Variants in SLC6A14 observed in about 807,000 individuals in gnomAD.
SLC6A14 encodes solute carrier family 6 member 14, also known as sodium- and chloride-dependent neutral and basic amino acid transporter B(0+).
SLC6A14 carries 21 observed loss-of-function variants against 51.4 expected under a neutral mutation model. The observed-to-expected ratio is 0.41, with a 90% CI of 0.29 to 0.59. The LOEUF (loss-of-function observed/expected upper bound fraction) is 0.59. SLC6A14 is among the 20% of genes least tolerant of loss of function. The probability of loss-of-function intolerance (pLI) is 0.31; values close to 1 mark genes in which losing one functional copy is unlikely to be tolerated. For missense variants in SLC6A14, 371 were observed against 472.8 expected (o/e 0.78, Z 2.00); for synonymous variants, 177 against 160.7 (o/e 1.10, Z -0.77).
chrX:116,444,381 T>C (rs1927662553), intron 5 of SLC6A14, among the ~76,000 whole-genome samples: 1 of 111,677 alleles, frequency 9.0e-6, no homozygotes, highest in Admixed American at 9.6e-5. Flanking sequence ...GATCTTCAAA[T>C]GTTCTCAAAC....
intron 12 of SLC6A14, 106 bp from the exon 13 acceptor site, chrX:116,457,503 T>C: frequency 1.7e-6 from 1 of 581,396 alleles, no homozygotes; most frequent in Non-Finnish European, 2.6e-6. Flanking sequence ...ATTTTCATAT[T>C]AACTATTTTT....
intron 1 of SLC6A14, 49 bp from the exon 2 acceptor site, chrX:116,437,741 G>T: frequency 8.8e-7 from 1 of 1,130,941 alleles, no homozygotes. Context: ...TGCTTCTGTG[G>T]AATTTGTAAT....
intron 2 of SLC6A14, 28 bp downstream of exon 2, chrX:116,437,983 C>G: frequency 2.8e-6 from 3 of 1,089,580 alleles, no homozygotes; most frequent in Non-Finnish European, 2.5e-6. Context: ...CACCCTCCCA[C>G]CCCCGCTTTT....
chrX:116,452,235 A>G (rs2147389902), intron 8 of SLC6A14, among the ~76,000 whole-genome samples: 1 of 111,637 alleles, frequency 9.0e-6, no homozygotes, highest in African/African-American at 3.2e-5. Context: ...CTGGTGATTC[A>G]TAACAGAATG....
At chrX:116,450,372 T>C (rs1272274237) in intron 7 of SLC6A14, among the ~76,000 whole-genome samples, 3 of 111,118 alleles carry the variant, frequency 2.7e-5, no homozygotes, top group Non-Finnish European at 5.7e-5. Flanking sequence ...ACAAATCATA[T>C]GGAAAATGAA....
intron 9 of SLC6A14, 86 bp downstream of exon 9, chrX:116,453,228 C>G: frequency 1.3e-6 from 1 of 769,588 alleles, no homozygotes; most frequent in Non-Finnish European, 1.8e-6. Context: ...TTTATTACCC[C>G]TATTACCCCC....
chrX:116,454,946 T>C, intron 10 of SLC6A14, 31 bp from the exon 11 acceptor site: 2 of 982,820 alleles, frequency 2.0e-6, no homozygotes, highest in East Asian at 6.2e-5. Flanking sequence ...AATTAAAATA[T>C]ACTTAGAAGT....
intron 3 of SLC6A14, 56 bp from the exon 4 acceptor site, chrX:116,442,631 G>A: frequency 3.2e-6 from 3 of 947,123 alleles, no homozygotes; most frequent in Non-Finnish European, 4.2e-6. Context: ...TTATGAATTA[G>A]CAAAGTAAAT....
At chrX:116,437,976 C>T in intron 2 of SLC6A14, 21 bp downstream of exon 2, 3 of 969,403 alleles carry the variant, frequency 3.1e-6, no homozygotes, top group Non-Finnish European at 4.2e-6. Context: ...TCACCCCCAC[C>T]CTCCCACCCC....
chrX:116,441,915 G>A (rs1467924514), intron 3 of SLC6A14, among the ~76,000 whole-genome samples: 1 of 111,739 alleles, frequency 8.9e-6, no homozygotes, highest in African/African-American at 3.3e-5. Context: ...TATTTTAGAG[G>A]CTTCATTTTC....
intron 6 of SLC6A14, 81 bp downstream of exon 6, chrX:116,445,131 A>G: frequency 1.0e-6 from 1 of 993,007 alleles, no homozygotes; most frequent in Non-Finnish European, 1.3e-6. Flanking sequence ...TACCAAAAGC[A>G]TGTTTTTTTT....
At chrX:116,458,766 C>T in intron 13 of SLC6A14, 43 bp from the exon 14 acceptor site, 1 of 1,109,516 alleles carries the variant, frequency 9.0e-7, no homozygotes. Context: ...CAGATTGTAG[C>T]ACTTAAATTC....
chrX:116,455,184 T>C (rs1927907455), intron 11 of SLC6A14, 108 bp downstream of exon 11: 1 of 616,459 alleles, frequency 1.6e-6, no homozygotes, highest in African/African-American at 2.2e-5. Flanking sequence ...ACTATTATAA[T>C]AGCAAAGTAC....
At position 116,446,899 on chromosome X, in the gene SLC6A14, T is replaced by C; in HGVS notation, c.930+18T>C. On this transcript the variant is annotated intron_variant, in intron 7 of 13. Coordinates refer to ENST00000598581, the MANE Select transcript of SLC6A14 (RefSeq NM_007231.5). ...AAGCTGAGGTGAGTCTTAATTTGGA[T>C]TTCAAATTATCTGAGGAGGTAAATC... 2 of 1,185,569 alleles carry C rather than the reference T, an allele frequency of 1.7e-6. No individual in the cohort carries two copies. Among genetic ancestry groups the C allele is most frequent in the Non-Finnish European group, 2.3e-6 (2 of 873,621 alleles).
chrX:116,458,445 A>T (rs782261478), intron 13 of SLC6A14, among the ~76,000 whole-genome samples: 1 of 111,387 alleles, frequency 9.0e-6, no homozygotes, highest in South Asian at 3.7e-4. Flanking sequence ...ACTGGTTTAG[A>T]TCCTCAGCTC....
At position 116,458,899 on chromosome X, in the gene SLC6A14, A is replaced by C. The variant is rs1419402387; in HGVS notation, c.1873A>C (p.Lys625Gln). The change falls in exon 14 of 14, where the codon AAA becomes CAA. Residue 625 changes from lysine (K) to glutamine (Q), a missense_variant. Lys to Gln is a moderately conservative substitution (Grantham distance 53). Coordinates refer to ENST00000598581, the MANE Select transcript of SLC6A14 (RefSeq NM_007231.5). ...AAGATATAAAGACATGGTAGATCCTAAAAAAGAGGCTGACCATGAAATACC... is the reference window on the plus strand; with the variant it reads ...AAGATATAAAGACATGGTAGATCCTCAAAAAGAGGCTGACCATGAAATACC... ...GERYKDMVDP[K>Q]KEADHEIPTV... 3 of 1,203,499 alleles carry C rather than the reference A, an allele frequency of 2.5e-6. No homozygotes were observed. The East Asian group carries it at 8.9e-5, about 36-fold the overall frequency.
chrX:116,440,950 T>C lies in SLC6A14; in HGVS notation c.215-16T>C, dbSNP rs1927582658. On this transcript the variant is annotated splice_polypyrimidine_tract_variant and intron_variant, in intron 2 of 13. Coordinates refer to ENST00000598581, the MANE Select transcript of SLC6A14 (RefSeq NM_007231.5). ...CGAGCTGTAATAGTGCTTTGGTTCT[T>C]TCTCACCTTTTTTAGGCGCCTTCTT... The C allele has an allele frequency of 8.3e-7, 1 of 1,205,317 alleles. No homozygotes were observed. The highest frequency in any genetic ancestry group is 1.8e-5 in the South Asian group (1 of 56,209).
intron 5 of SLC6A14, among the ~76,000 whole-genome samples, 185 bp from the exon 6 acceptor site, chrX:116,444,733 A>G (rs1386675201): frequency 9.0e-6 from 1 of 111,533 alleles, no homozygotes; most frequent in Non-Finnish European, 1.9e-5. Context: ...GAGCCTGGCC[A>G]TTTAATAAAC....
Position 116,457,647 on chromosome X carries a change from T to C in SLC6A14, c.1653T>C (p.Pro551=). Residue 551 remains proline, a synonymous_variant, in exon 13 of 14, where the codon CCT becomes CCC. Coordinates refer to ENST00000598581, the MANE Select transcript of SLC6A14 (RefSeq NM_007231.5). ...FIWSLVQFHR[P]NYGAIPYPDW... is the part of the protein sequence containing the mutation. ...GGTCATTGGTGCAATTTCATAGACCTAATTATGGCGCAATTCCATACCCTG... is the reference window on the plus strand; with the variant it reads ...GGTCATTGGTGCAATTTCATAGACCCAATTATGGCGCAATTCCATACCCTG... 3.3e-6 allele frequency: 4 copies of C among 1,208,947 alleles called. No homozygotes were observed. Among genetic ancestry groups the C allele is most frequent in the Non-Finnish European group, 4.5e-6 (4 of 893,282 alleles).
Sources: allele counts gnomAD v4.1 joint callset (sites outside exome capture counted in the v4.1 genomes callset), GRCh38; gene constraint gnomAD v4.1.1; transcripts MANE v1.5; gene names NCBI Gene and HGNC (gene_info 2026-07-23, HGNC 2026-07-21).